IFT52: variants seen among roughly 807,000 people sequenced by gnomAD.
IFT52 encodes intraflagellar transport protein 52 homolog.
In IFT52, 44 loss-of-function variants were observed where a neutral mutation model predicts 54.4. The ratio of observed to expected loss-of-function variants is 0.81; its 90% CI spans 0.63 to 1.04. The LOEUF is 1.04. IFT52 is among the 50% of genes least tolerant of loss of function. The pLI is 0.00. For missense variants in IFT52, 452 were observed against 523.6 expected (o/e 0.86, Z 1.33); for synonymous variants, 181 against 185.3 (o/e 0.98, Z 0.19).
chr20:43,623,080 G>A (rs1984463125), intron 9 of IFT52, among the ~76,000 whole-genome samples: 1 of 151,976 alleles, frequency 6.6e-6, no homozygotes, highest in East Asian at 1.9e-4. Flanking sequence ...GATGCTAGGG[G>A]GTGGGCACAT....
At chr20:43,620,737 T>G in intron 8 of IFT52, 120 bp from the exon 9 acceptor site, 1 of 713,600 alleles carries the variant, frequency 1.4e-6, no homozygotes, top group Non-Finnish European at 2.3e-6. Context: ...TACCCTTTTC[T>G]GAATCACTGG....
intron 10 of IFT52, among the ~76,000 whole-genome samples, chr20:43,632,749 A>G (rs1985259925): frequency 6.6e-6 from 1 of 152,248 alleles, no homozygotes; most frequent in African/African-American, 2.4e-5. Context: ...TGCATATCAT[A>G]CAGATCTGTT....
rs1211998006 is a variant in IFT52 at position 43,618,857 on chromosome 20, T to G, written c.613-83T>G. The stretch of plus-strand genomic sequence containing the variant: ...TCAGTATATAAGACAGTTGCTAGCA[T>G]GATTCTAATAAGTGTCTGGGTACTA... On this transcript the variant is annotated intron_variant, in intron 7 of 13. Coordinates refer to ENST00000373030, the MANE Select transcript of IFT52 (RefSeq NM_016004.5). 3.4e-6 allele frequency: 3 copies of G among 873,588 alleles called. No homozygotes were observed. The African/African-American group carries it at 5.1e-5, about 15-fold the overall frequency. The allele number at this position is 873,588 out of a possible 1,614,324, so 54.1% of individuals were successfully genotyped here.
At chr20:43,633,896 G>T (rs184824762) in intron 10 of IFT52, among the ~76,000 whole-genome samples, 4 of 152,028 alleles carry the variant, frequency 2.6e-5, no homozygotes, top group African/African-American at 9.6e-5. Flanking sequence ...GGGTGCGGTG[G>T]CTCATGCATG....
At chr20:43,642,285 A>G (rs1568813767) in intron 12 of IFT52, 194 bp from the exon 13 acceptor site, 1 of 540,584 alleles carries the variant, frequency 1.8e-6, no homozygotes, top group South Asian at 2.7e-5. Context: ...GAGTGCTTTT[A>G]TTATAAAAGC....
In IFT52 at chr20:43,613,854, C is replaced by T. The variant is rs368598294; in HGVS notation, c.490C>T (p.Leu164Phe). The T allele has an allele frequency of 2.1e-5, 34 of 1,613,464 alleles. No homozygotes were observed. Among genetic ancestry groups the T allele is most frequent in the Non-Finnish European group, 2.8e-5 (33 of 1,179,786 alleles). Residue 164 changes from leucine (L) to phenylalanine (F), a missense_variant, in exon 7 of 14, where the codon CTC (leucine) becomes TTC (phenylalanine). Physicochemically the swap from Leu to Phe is conservative, Grantham distance 22. Transcript: ENST00000373030. ...TGTTTCTTTAATTTCTTACAGGGCT[C>T]TCACCTTTGTGTATCCTTTTGGTGC... ...EESSGNNAQA[L>F]TFVYPFGATL...
At chr20:43,635,589 G>A (rs538676037) in intron 10 of IFT52, among the ~76,000 whole-genome samples, 36 of 152,242 alleles carry the variant, frequency 2.4e-4, no homozygotes, top group African/African-American at 7.5e-4. Flanking sequence ...GAGCCACTGC[G>A]CCCAGCCAAT....
At chr20:43,625,637 A>G (rs1284293499) in intron 10 of IFT52, among the ~76,000 whole-genome samples, 5 of 152,342 alleles carry the variant, frequency 3.3e-5, no homozygotes, top group Non-Finnish European at 5.9e-5. Context: ...GGAAACAGCC[A>G]GTCCTAAGAC....
intron 6 of IFT52, among the ~76,000 whole-genome samples, chr20:43,607,243 C>T (rs1235352465): frequency 1.3e-5 from 2 of 149,438 alleles, no homozygotes. Context: ...CCGGACGGGG[C>T]GGCTGGCCGG....
In IFT52 at chr20:43,647,293, C is replaced by T. The variant is rs1986276712; in HGVS notation, c.*310C>T. On this transcript the variant is annotated 3_prime_UTR_variant, in exon 14 of 14. Transcript: ENST00000373030. ...AGTCTTTTATCAAAGACATAATTAA[C>T]TCTCAAGCTTGTTGTAAATACTGTA... The T allele has an allele frequency of 2.6e-6, 1 of 381,746 alleles. No individual in the cohort carries two copies. The allele number at this position is 381,746 out of a possible 1,614,324, so 23.6% of individuals were successfully genotyped here.
At chr20:43,642,319 T>G in intron 12 of IFT52, 160 bp from the exon 13 acceptor site, 1 of 638,524 alleles carries the variant, frequency 1.6e-6, no homozygotes, top group Non-Finnish European at 2.7e-6. Context: ...GCTCTAGGGT[T>G]TTTCAGTGTT....
rs372543072 is a variant in IFT52, at chr20:43,596,369, C to T, written c.120-66C>T. ...CCTCTGCTTCCAAATAGTTAAGAGA[C>T]TAAAATAATACATAAATTGGTTTAA... On this transcript the variant is annotated intron_variant, in intron 2 of 13. Coordinates refer to ENST00000373030, the MANE Select transcript of IFT52 (RefSeq NM_016004.5). The T allele has an allele frequency of 8.5e-6, 9 of 1,058,978 alleles. No individual in the cohort carries two copies. The Admixed American group carries it at 1.6e-4, about 19-fold the overall frequency. The allele number at this position is 1,058,978 out of a possible 1,614,324, so 65.6% of individuals were successfully genotyped here. A position where few individuals can be genotyped will look rare whatever the true frequency, so the allele number is the denominator to read the frequency against.
chr20:43,600,776 G>A (rs1485795255), intron 3 of IFT52, among the ~76,000 whole-genome samples: 1 of 152,046 alleles, frequency 6.6e-6, no homozygotes, highest in Non-Finnish European at 1.5e-5. Context: ...TTTGAGACTA[G>A]CCTGGCCAAC....
chr20:43,640,891 C>T (rs920114963), intron 12 of IFT52, among the ~76,000 whole-genome samples: 12 of 151,914 alleles, frequency 7.9e-5, no homozygotes, highest in African/African-American at 9.7e-5. Context: ...ATCAGCCAGG[C>T]GTGGTGGTAC....
chr20:43,610,508 C>A (rs1983353807), intron 6 of IFT52, among the ~76,000 whole-genome samples: 1 of 151,730 alleles, frequency 6.6e-6, no homozygotes, highest in Non-Finnish European at 1.5e-5. Flanking sequence ...CTGAGGCAGG[C>A]AGATCACGAG....
intron 7 of IFT52, 43 bp downstream of exon 7, chr20:43,614,019 G>C: frequency 6.5e-7 from 1 of 1,531,312 alleles, no homozygotes; most frequent in Non-Finnish European, 8.9e-7. Context: ...TATTTTTATT[G>C]TTGAAATAAT....
At chr20:43,622,153 T>C (rs532221333) in intron 9 of IFT52, among the ~76,000 whole-genome samples, 1 of 152,342 alleles carries the variant, frequency 6.6e-6, no homozygotes, top group South Asian at 2.1e-4. Flanking sequence ...CGAAGATGGC[T>C]GTCCACTGAC....
chr20:43,610,753 A>G (rs1386303895), intron 6 of IFT52, among the ~76,000 whole-genome samples: 2 of 152,182 alleles, frequency 1.3e-5, no homozygotes, highest in African/African-American at 4.8e-5. Flanking sequence ...AAAAAAGAAA[A>G]AAAAAAAGGA....
intron 6 of IFT52, among the ~76,000 whole-genome samples, chr20:43,611,890 C>T (rs962798735): frequency 1.3e-5 from 2 of 151,500 alleles, no homozygotes; most frequent in African/African-American, 4.8e-5. Flanking sequence ...AGTAGCCGGG[C>T]GTGGTGGTGC....
Sources: gnomAD v4.1 joint callset for allele counts (sites outside exome capture counted in the v4.1 genomes callset) on GRCh38, gnomAD v4.1.1 for gene constraint, MANE v1.5 for transcripts, NCBI Gene and HGNC (gene_info 2026-07-23, HGNC 2026-07-21) for gene names.